Variants in SP4 observed in about 807,000 individuals in gnomAD.
SP4 encodes the protein Sp4 transcription factor.
In SP4, 19 loss-of-function variants were observed where a neutral mutation model predicts 72.8. That is an observed-to-expected ratio of 0.26 (90% CI 0.18 to 0.38). SP4 has a LOEUF of 0.38. SP4 is among the 10% of genes least tolerant of loss of function. The pLI, the probability that SP4 is intolerant of heterozygous loss-of-function variation, is 1.00. For synonymous variants in SP4, 395 were observed against 333.1 expected (o/e 1.19, Z -2.02); for missense variants, 1,008 against 926.3 (o/e 1.09, Z -1.14).
intron 3 of SP4, among the ~76,000 whole-genome samples, chr7:21,436,712 A>G (rs1172723620): frequency 6.6e-6 from 1 of 152,182 alleles, no homozygotes; most frequent in Non-Finnish European, 1.5e-5. Context: ...AATGCTTGTC[A>G]TTTTGCTACC....
chr7:21,449,202 G>A (rs955664371), intron 3 of SP4, among the ~76,000 whole-genome samples: 3 of 152,094 alleles, frequency 2.0e-5, no homozygotes, highest in African/African-American at 4.8e-5. Context: ...CCCTAAGCCT[G>A]TTTACCCTGC....
Position 21,428,271 on chromosome 7 carries a change from C to A in SP4, c.7+13C>A. Reference sequence around the variant, plus strand: ...TGCGGGATGAGCGGTACGTATTCTCCACCCCCCTCAGTCTCCTTCGCCGCC... The same window carrying A: ...TGCGGGATGAGCGGTACGTATTCTCAACCCCCCTCAGTCTCCTTCGCCGCC... On this transcript the variant is annotated intron_variant, in intron 1 of 5. Transcript: ENST00000222584. 1.4e-6 allele frequency: 2 copies of A among 1,454,860 alleles called. No homozygotes were observed. The highest frequency in any genetic ancestry group is 1.9e-6 in the Non-Finnish European group (2 of 1,067,672). 90.1% of individuals were successfully genotyped at this position (1,454,860 alleles called of 1,614,324 possible).
chr7:21,445,724 C>T (rs1783401237), intron 3 of SP4, among the ~76,000 whole-genome samples: 1 of 151,958 alleles, frequency 6.6e-6, no homozygotes, highest in African/African-American at 2.4e-5. Context: ...AGAAAAGAAC[C>T]CAGAGTTTGT....
At chr7:21,469,131 T>G in intron 3 of SP4, among the ~76,000 whole-genome samples, 1 of 152,202 alleles carries the variant, frequency 6.6e-6, no homozygotes. Flanking sequence ...AACAGTACAG[T>G]AATGGCTTTG....
intron 3 of SP4, among the ~76,000 whole-genome samples, chr7:21,436,650 CT>C (rs1783059820): frequency 6.6e-6 from 1 of 152,144 alleles, no homozygotes; most frequent in African/African-American, 2.4e-5. Context: ...CTCTTCTGTA[CT>C]TTTCTGATGC....
At chr7:21,461,450 C>G (rs554130484) in intron 3 of SP4, among the ~76,000 whole-genome samples, 1 of 152,192 alleles carries the variant, frequency 6.6e-6, no homozygotes, top group South Asian at 2.1e-4. Flanking sequence ...CTGGGGGACC[C>G]GGCGCATCCT....
At position 21,430,167 on chromosome 7, in the gene SP4, C is replaced by T. The variant is rs1442428139; in HGVS notation, c.1002C>T (p.Ser334=). ...CCACTGCTTCAACGTCTTTGACAAG[C>T]AGTGACACATTAGTGAGCTCAGCAG... is the stretch of plus-strand genomic sequence containing the variant. ...CTTTASTSLT[S]SDTLVSSADT... is the part of the protein sequence containing the mutation. Residue 334 remains serine, a synonymous_variant, in exon 3 of 6, where the codon AGC becomes AGT. Coordinates refer to ENST00000222584, the MANE Select transcript of SP4 (RefSeq NM_003112.5). 3 of 1,614,234 alleles carry T rather than the reference C, an allele frequency of 1.9e-6. No individual in the cohort carries two copies. Among genetic ancestry groups the T allele is most frequent in the Admixed American group, 1.7e-5 (1 of 60,020 alleles).
chr7:21,428,768 A>G lies in SP4; in HGVS notation c.99A>G (p.Lys33=). The G allele has an allele frequency of 6.4e-7, 1 of 1,551,102 alleles. No individual in the cohort carries two copies. Among genetic ancestry groups the G allele is most frequent in the Middle Eastern group, 1.7e-4 (1 of 5,988 alleles). Reference sequence around the variant, plus strand: ...CCTCTGAGCCAGAGAATAACAATAAAAAACCCAAAACCTCAGGCTCCCAGG... The same window carrying G: ...CCTCTGAGCCAGAGAATAACAATAAGAAACCCAAAACCTCAGGCTCCCAGG... The part of the protein sequence containing the change: ...GKTSEPENNN[K]KPKTSGSQDS... Residue 33 remains lysine (K), a synonymous_variant, in exon 2 of 6, where the codon AAA becomes AAG. Coordinates refer to ENST00000222584, the MANE Select transcript of SP4 (RefSeq NM_003112.5).
chr7:21,491,238 A>T (rs1379685697), intron 5 of SP4, among the ~76,000 whole-genome samples: 1 of 152,232 alleles, frequency 6.6e-6, no homozygotes, highest in Non-Finnish European at 1.5e-5. Context: ...AGAACTAAAT[A>T]GAAATTTTAG....
intron 3 of SP4, among the ~76,000 whole-genome samples, chr7:21,440,880 ACAACAACAG>A (rs1396498634): frequency 0.09 from 1,522 of 16,924 alleles, 30 homozygotes; most frequent in African/African-American, 0.38. Context: ...AACAACAACA[ACAACAACAG>A]CAGCAAACAG....
intron 3 of SP4, among the ~76,000 whole-genome samples, chr7:21,472,642 TA>T (rs1315607307): frequency 6.6e-6 from 1 of 151,474 alleles, no homozygotes; most frequent in Non-Finnish European, 1.5e-5. Flanking sequence ...GTGCTGATTT[TA>T]AAAAATTGCT....
chr7:21,483,224 A>G lies in SP4; in HGVS notation c.2107+1101A>G, dbSNP rs533594038. 9.9e-5 allele frequency among the ~76,000 whole-genome samples: 15 copies of G among 151,934 alleles called. No individual in the cohort carries two copies. The East Asian group carries it at 2.1e-3, about 22-fold the overall frequency. On this transcript the variant is annotated intron_variant, in intron 5 of 5. Transcript: ENST00000222584. ...CCTTTCATATGTATATTAGTCATTT[A>G]TGGCTTTGTTTTTTAATTCTGGTTC...
intron 5 of SP4, among the ~76,000 whole-genome samples, chr7:21,492,023 C>T (rs1248261780): frequency 6.6e-6 from 1 of 152,130 alleles, no homozygotes. Flanking sequence ...GTAAATAGAG[C>T]AGACTGTTTT....
chr7:21,502,588 A>G (rs570318803), intron 5 of SP4, among the ~76,000 whole-genome samples: 1 of 152,212 alleles, frequency 6.6e-6, no homozygotes, highest in South Asian at 2.1e-4. Context: ...CCCGCAGCAC[A>G]TGCATAGTAG....
intron 3 of SP4, among the ~76,000 whole-genome samples, chr7:21,447,445 A>G (rs1218505077): frequency 2.6e-5 from 4 of 152,340 alleles, no homozygotes; most frequent in African/African-American, 9.6e-5. Flanking sequence ...GAAATTTAGT[A>G]GAAGAGTTAG....
At chr7:21,500,700 C>T (rs982824930) in intron 5 of SP4, among the ~76,000 whole-genome samples, 1 of 152,218 alleles carries the variant, frequency 6.6e-6, no homozygotes, top group African/African-American at 2.4e-5. Context: ...CCTCCAGCAA[C>T]AGCAGGGCAC....
At chr7:21,452,397 A>G (rs1783627336) in intron 3 of SP4, among the ~76,000 whole-genome samples, 1 of 152,178 alleles carries the variant, frequency 6.6e-6, no homozygotes, top group Admixed American at 6.5e-5. Flanking sequence ...GCCATCAAAT[A>G]CCTGTATGAA....
intron 3 of SP4, among the ~76,000 whole-genome samples, chr7:21,449,646 A>G (rs1783531150): frequency 6.6e-6 from 1 of 152,174 alleles, no homozygotes. Flanking sequence ...GGAAGATGAC[A>G]AATTCTCATC....
rs181957181 is a variant in SP4, at chr7:21,440,804, C to T, written c.1678+9961C>T. ...GTCGAAGGTTGCAGTGAGCTGAGAT[C>T]GTGCCACTGCACTTCAGTCTGGGCA... On this transcript the variant is annotated intron_variant, in intron 3 of 5. Coordinates refer to ENST00000222584, the MANE Select transcript of SP4 (RefSeq NM_003112.5). 1.8e-4 allele frequency among the ~76,000 whole-genome samples: 27 copies of T among 152,228 alleles called. No homozygotes were observed. In the East Asian group the frequency reaches 3.3e-3, roughly 19 times the overall value.
Sources: allele counts gnomAD v4.1 joint callset (sites outside exome capture counted in the v4.1 genomes callset), GRCh38; gene constraint gnomAD v4.1.1; transcripts MANE v1.5; gene names NCBI Gene and HGNC (gene_info 2026-07-23, HGNC 2026-07-21).